The following SCEL variants were observed in gnomAD, a reference collection of about 807,000 sequenced individuals.
SCEL encodes the protein sciellin.
A neutral mutation model predicts 117.6 loss-of-function variants in SCEL; 113 were observed. That is an observed-to-expected ratio of 0.96 (90% CI 0.83 to 1.12). The LOEUF (loss-of-function observed/expected upper bound fraction) is 1.12, where lower values mean the gene tolerates loss of function less well. SCEL is among the 50% of genes most tolerant of loss of function. The pLI, the probability that SCEL is intolerant of heterozygous loss-of-function variation, is 0.00. For missense variants in SCEL, 785 were observed against 810.8 expected, an observed-to-expected ratio of 0.97 and a Z score of 0.39; for synonymous variants, 270 against 256.2, an observed-to-expected ratio of 1.05 and a Z score of -0.51.
intron 9 of SCEL, among the ~76,000 whole-genome samples, chr13:77,586,087 G>A (rs891658418): frequency 1.3e-5 from 2 of 152,002 alleles, no homozygotes; most frequent in African/African-American, 2.4e-5. Context: ...GTCATCTGAA[G>A]GTCTCTGAGA....
rs767449059 is a variant in SCEL, at chr13:77,572,111, C to A, written c.480-13C>A. ...TCAATCACAATGTTTATTACCGTGT[C>A]ATTTCTTAACAGGCAGTCCTGGTTT... is the stretch of plus-strand genomic sequence containing the variant. On this transcript the variant is annotated splice_polypyrimidine_tract_variant and intron_variant, in intron 8 of 32. Transcript: ENST00000349847. The A allele has an allele frequency of 3.1e-5, 50 of 1,609,914 alleles. No individual in the cohort carries two copies. Among genetic ancestry groups the A allele is most frequent in the Non-Finnish European group, 4.1e-5 (48 of 1,176,584 alleles).
intron 1 of SCEL, among the ~76,000 whole-genome samples, chr13:77,552,523 C>T (rs1387182753): frequency 6.6e-6 from 1 of 151,634 alleles, no homozygotes; most frequent in Non-Finnish European, 1.5e-5. Flanking sequence ...ATGTCCTTCG[C>T]CCACTTTTTG....
At chr13:77,612,544 TAATG>T (rs1458789190) in intron 22 of SCEL, among the ~76,000 whole-genome samples, 1 of 143,118 alleles carries the variant, frequency 7.0e-6, no homozygotes, top group Admixed American at 7.5e-5. Context: ...CATATGGAAA[TAATG>T]AATAATTTTA....
At chr13:77,613,815 A>C (rs1179510204) in intron 23 of SCEL, 78 bp from the exon 24 acceptor site, 1 of 1,077,028 alleles carries the variant, frequency 9.3e-7, no homozygotes, top group East Asian at 2.4e-5. Context: ...CTAGGATTCT[A>C]TTGAATGACT....
At chr13:77,556,743 C>A in intron 3 of SCEL, 30 bp downstream of exon 3, 1 of 1,422,206 alleles carries the variant, frequency 7.0e-7, no homozygotes, top group Non-Finnish European at 9.9e-7. Flanking sequence ...GGTGGGTGGA[C>A]AGAAGGGCAG....
intron 32 of SCEL, among the ~76,000 whole-genome samples, chr13:77,644,004 T>C (rs1262049720): frequency 6.6e-6 from 1 of 152,146 alleles, no homozygotes; most frequent in Non-Finnish European, 1.5e-5. Flanking sequence ...ATGTACTCCC[T>C]AGGCATTGCA....
In SCEL at chr13:77,644,501, G is replaced by T. The variant is rs1366867825; in HGVS notation, c.*227G>T. On this transcript the variant is annotated 3_prime_UTR_variant, in exon 33 of 33. Coordinates refer to ENST00000349847, the MANE Select transcript of SCEL (RefSeq NM_144777.3). The stretch of plus-strand genomic sequence containing the variant: ...AGAGTTAGCAATAAAAAGTTCAAAT[G>T]GTTCCAGATTCCAGTGTCAAAGGAG... 1.7e-4 allele frequency: 82 copies of T among 488,992 alleles called. No homozygotes were observed. Among genetic ancestry groups the T allele is most frequent in the Non-Finnish European group, 2.8e-4 (75 of 272,680 alleles). 30.3% of individuals were successfully genotyped at this position (488,992 alleles called of 1,614,324 possible).
chr13:77,599,219 C>T (rs1417719898), intron 13 of SCEL, 110 bp from the exon 14 acceptor site: 12 of 721,040 alleles, frequency 1.7e-5, no homozygotes, highest in African/African-American at 3.6e-5. Flanking sequence ...GCTCATCTTC[C>T]CCAACAAGCT....
chr13:77,601,977 C>A, intron 15 of SCEL, 88 bp from the exon 16 acceptor site: 3 of 960,392 alleles, frequency 3.1e-6, no homozygotes, highest in Non-Finnish European at 4.6e-6. Flanking sequence ...GGGAAATCTG[C>A]TGTTGTCATT....
chr13:77,577,868 GC>G (rs2086041231), intron 9 of SCEL, among the ~76,000 whole-genome samples: 1 of 152,042 alleles, frequency 6.6e-6, no homozygotes, highest in Non-Finnish European at 1.5e-5. Context: ...TTGCTCAATA[GC>G]CCCTCACTCC....
rs530605853 is a variant in SCEL at position 77,620,725 on chromosome 13, C to T, written c.1628+2665C>T. 4.6e-5 allele frequency among the ~76,000 whole-genome samples: 7 copies of T among 152,072 alleles called. 1 individual carries two copies. In the South Asian group the frequency reaches 1.5e-3, roughly 32 times the overall value. Reference sequence around the variant, plus strand: ...ATTATTAAAATGCTACATTTCTGCTCCTGAATGAATATTGAAAAGCATCTA... The same window carrying T: ...ATTATTAAAATGCTACATTTCTGCTTCTGAATGAATATTGAAAAGCATCTA... On this transcript the variant is annotated intron_variant, in intron 27 of 32. Transcript: ENST00000349847.
At chr13:77,572,243 C>A in intron 9 of SCEL, 54 bp downstream of exon 9, 1 of 1,306,976 alleles carries the variant, frequency 7.7e-7, no homozygotes, top group South Asian at 1.2e-5. Flanking sequence ...AAGAACATGT[C>A]AGACATTGAC....
rs989307602 is a variant in SCEL at position 77,644,530 on chromosome 13, T to C, written c.*256T>C. ...CCAGATTCCAGTGTCAAAGGAGTGATGCATTACACTCCAGCCAGGTCCATC... is the reference window on the plus strand; with the variant it reads ...CCAGATTCCAGTGTCAAAGGAGTGACGCATTACACTCCAGCCAGGTCCATC... On this transcript the variant is annotated 3_prime_UTR_variant, in exon 33 of 33. Coordinates refer to ENST00000349847, the MANE Select transcript of SCEL (RefSeq NM_144777.3). 4 of 419,740 alleles carry C rather than the reference T, an allele frequency of 9.5e-6. No individual in the cohort carries two copies. Among genetic ancestry groups the C allele is most frequent in the Admixed American group, 7.3e-5 (2 of 27,294 alleles). The allele number at this position is 419,740 out of a possible 1,614,324, so 26.0% of individuals were successfully genotyped here. A position where few individuals can be genotyped will look rare whatever the true frequency, so the allele number is the denominator to read the frequency against.
At chr13:77,634,330 A>T (rs1468603249) in intron 28 of SCEL, 49 bp from the exon 29 acceptor site, 14 of 1,431,320 alleles carry the variant, frequency 9.8e-6, no homozygotes, top group Non-Finnish European at 1.3e-5. Flanking sequence ...TGTTTTTATT[A>T]TCCTTGCAAA....
At chr13:77,618,106 A>G (rs200070049) in intron 27 of SCEL, 46 bp downstream of exon 27, 2 of 1,474,296 alleles carry the variant, frequency 1.4e-6, no homozygotes, top group South Asian at 1.1e-5. Context: ...TTTCTAGGGT[A>G]GGAACTTCTC....
chr13:77,571,809 A>C (rs956734647), intron 8 of SCEL, among the ~76,000 whole-genome samples: 2 of 152,038 alleles, frequency 1.3e-5, no homozygotes, highest in Non-Finnish European at 2.9e-5. Context: ...GGAGAATAAC[A>C]TAATAAACAT....
At chr13:77,625,124 A>T (rs1310111792) in intron 27 of SCEL, among the ~76,000 whole-genome samples, 1 of 152,162 alleles carries the variant, frequency 6.6e-6, no homozygotes, top group Non-Finnish European at 1.5e-5. Flanking sequence ...CCTCCTGATG[A>T]TCTTCCACTA....
rs1269656996 is a variant in SCEL at position 77,610,076 on chromosome 13, T to C, written c.1307T>C (p.Val436Ala). Reference sequence around the variant, plus strand: ...CAAAGTCTCGACAGCCTCATTAAAGTGACTCCTGAAAGAAACAGAACTAAC... The same window carrying C: ...CAAAGTCTCGACAGCCTCATTAAAGCGACTCCTGAAAGAAACAGAACTAAC... ...GGQSLDSLIK[V>A]TPERNRTNQG... The change falls in exon 22 of 33, where the codon GTG becomes GCG. Residue 436 changes from valine (V) to alanine (A), a missense_variant. Coordinates refer to ENST00000349847, the MANE Select transcript of SCEL (RefSeq NM_144777.3). 1 of 1,610,642 alleles carries C rather than the reference T, an allele frequency of 6.2e-7. No homozygotes were observed. The highest frequency in any genetic ancestry group is 8.5e-7 in the Non-Finnish European group (1 of 1,178,194).
chr13:77,565,827 T>C (rs1348507212), intron 5 of SCEL, among the ~76,000 whole-genome samples: 1 of 152,218 alleles, frequency 6.6e-6, no homozygotes, highest in Admixed American at 6.5e-5. Context: ...CAGTGGGTTA[T>C]AACTAATTTG....
Sources: allele counts gnomAD v4.1 joint callset (sites outside exome capture counted in the v4.1 genomes callset), GRCh38; gene constraint gnomAD v4.1.1; transcripts MANE v1.5; gene names NCBI Gene and HGNC (gene_info 2026-07-23, HGNC 2026-07-21).